ZNF469: variants seen among roughly 807,000 people sequenced by gnomAD.
The protein encoded by ZNF469 is zinc finger protein 469.
ZNF469 carries 1 observed loss-of-function variant against 1.0 expected under a neutral mutation model. The observed-to-expected ratio is 1.00, with a 90% confidence interval of 0.35 to 4.73. ZNF469 has a LOEUF of 4.73. Ranked by LOEUF, ZNF469 falls within the 30% of genes most tolerant of loss-of-function variation. The pLI is 0.16. For missense variants in ZNF469, 6,100 were observed against 5,356.3 expected, an observed-to-expected ratio of 1.14 and a Z score of -4.33; for synonymous variants, 2,703 against 2,363.4, an observed-to-expected ratio of 1.14 and a Z score of -4.17.
the ZNF469 span, among the ~76,000 whole-genome samples, chr16:88,357,818 T>C: frequency 5.9e-5 from 9 of 152,268 alleles, no homozygotes; most frequent in African/African-American, 1.9e-4. Context: ...GTGGTTGTTA[T>C]TAAGCGAGTG....
chr16:88,401,361 C>T (rs1408443002), intron 1 of ZNF469, among the ~76,000 whole-genome samples: 2 of 151,714 alleles, frequency 1.3e-5, no homozygotes. Context: ...TTCAGCCCTG[C>T]AGTAAGCCGA....
At chr16:88,334,177 C>T in the ZNF469 span, among the ~76,000 whole-genome samples, 2 of 152,062 alleles carry the variant, frequency 1.3e-5, no homozygotes, top group African/African-American at 4.8e-5. Flanking sequence ...CTCTGTGTTA[C>T]AAATGTCACT....
the ZNF469 span, among the ~76,000 whole-genome samples, chr16:88,131,345 G>A: frequency 7.1e-6 from 1 of 140,520 alleles, no homozygotes; most frequent in East Asian, 2.0e-4. Flanking sequence ...TGTGACACCT[G>A]TCTGGATGCA....
At chr16:88,263,241 C>A in the ZNF469 span, among the ~76,000 whole-genome samples, 4 of 152,304 alleles carry the variant, frequency 2.6e-5, no homozygotes, top group East Asian at 7.7e-4. Flanking sequence ...CCCACCCCAC[C>A]CAGTTGTTGG....
chr16:88,214,371 C>T, the ZNF469 span, among the ~76,000 whole-genome samples: 29 of 152,060 alleles, frequency 1.9e-4, no homozygotes, highest in Non-Finnish European at 2.5e-4. Flanking sequence ...GCTAGAGTTT[C>T]CATATGAGGG....
chr16:88,325,264 C>CCGACAGCAG, the ZNF469 span, among the ~76,000 whole-genome samples: 1 of 148,228 alleles, frequency 6.7e-6, no homozygotes, highest in African/African-American at 2.5e-5. Flanking sequence ...CCAGGTGGTC[C>CCGACAGCAG]CTACAGGCTC....
intron 1 of ZNF469, among the ~76,000 whole-genome samples, chr16:88,417,637 AC>A (rs1412347411): frequency 1.3e-5 from 2 of 152,078 alleles, no homozygotes; most frequent in Non-Finnish European, 2.9e-5. Flanking sequence ...GGGGAGAAGG[AC>A]CCTCAGACAA....
At chr16:88,225,180 C>G in the ZNF469 span, among the ~76,000 whole-genome samples, 1 of 152,266 alleles carries the variant, frequency 6.6e-6, no homozygotes, top group Non-Finnish European at 1.5e-5. Flanking sequence ...CTCAGGCCAC[C>G]TGCCCTCAGC....
the ZNF469 span, among the ~76,000 whole-genome samples, chr16:88,150,631 T>A: frequency 1.3e-5 from 2 of 151,946 alleles, no homozygotes; most frequent in African/African-American, 4.8e-5. Flanking sequence ...CTGCAGGTGG[T>A]CTTTGGACCC....
the ZNF469 span, among the ~76,000 whole-genome samples, chr16:88,204,870 C>T: frequency 0.016 from 2,413 of 152,310 alleles, 62 homozygotes; most frequent in African/African-American, 0.056. Context: ...GGGGTGATTG[C>T]TCTGAAAGTT....
chr16:88,313,085 A>G, the ZNF469 span, among the ~76,000 whole-genome samples: 83,407 of 151,698 alleles, frequency 0.55, 23,822 homozygotes, highest in East Asian at 0.76. Context: ...GGTCAGTGTT[A>G]GGGTCTTCCC....
chr16:88,280,174 A>G, the ZNF469 span, among the ~76,000 whole-genome samples: 1 of 146,788 alleles, frequency 6.8e-6, no homozygotes. Flanking sequence ...TTAGTGCTGC[A>G]CCACGCTGAC....
At chr16:88,351,168 G>A in the ZNF469 span, among the ~76,000 whole-genome samples, 1 of 152,228 alleles carries the variant, frequency 6.6e-6, no homozygotes, top group East Asian at 1.9e-4. Flanking sequence ...AGTGTGGCCT[G>A]TCCCTGACCT....
At position 88,430,661 on chromosome 16, in the gene ZNF469, G is replaced by A. The variant is rs1258457403; in HGVS notation, c.3191G>A (p.Arg1064Gln). 1.3e-6 allele frequency: 2 copies of A among 1,495,982 alleles called. No individual in the cohort carries two copies. Among genetic ancestry groups the A allele is most frequent in the Non-Finnish European group, 1.8e-6 (2 of 1,129,796 alleles). 92.7% of individuals were successfully genotyped at this position (1,495,982 alleles called of 1,614,324 possible). A position where few individuals can be genotyped will look rare whatever the true frequency, so the allele number is the denominator to read the frequency against. ...IVQQKNRRHR[R>Q]LGRRAGRCGS... The stretch of plus-strand genomic sequence containing the variant: ...CAGCAGAAGAACAGGCGCCACCGGC[G>A]GCTGGGGCGGCGGGCGGGCAGGTGC... The change falls in exon 3 of 3, where the codon CGG becomes CAG. Residue 1064 changes from arginine to glutamine, a missense_variant. Transcript: ENST00000565624.
the ZNF469 span, among the ~76,000 whole-genome samples, chr16:88,116,917 C>T: frequency 6.6e-6 from 1 of 152,024 alleles, no homozygotes; most frequent in African/African-American, 2.4e-5. Context: ...CACGAATCTA[C>T]ACGTGTGATA....
chr16:88,232,931 G>A, the ZNF469 span, among the ~76,000 whole-genome samples: 8 of 152,222 alleles, frequency 5.3e-5, no homozygotes, highest in Non-Finnish European at 7.3e-5. Flanking sequence ...TGGTCTGGCC[G>A]CCGCCTAGCA....
chr16:88,369,862 C>T, the ZNF469 span, among the ~76,000 whole-genome samples: 1 of 152,210 alleles, frequency 6.6e-6, no homozygotes, highest in Admixed American at 6.5e-5. Context: ...CTCAACAATC[C>T]GTCCCCACCG....
chr16:88,190,354 C>T, the ZNF469 span, among the ~76,000 whole-genome samples: 1 of 152,272 alleles, frequency 6.6e-6, no homozygotes, highest in East Asian at 1.9e-4. Flanking sequence ...TGACACCTTG[C>T]TCAGTCCCAG....
chr16:88,364,439 C>T, the ZNF469 span, among the ~76,000 whole-genome samples: 1 of 135,402 alleles, frequency 7.4e-6, no homozygotes, highest in Middle Eastern at 4.3e-3. Context: ...ATTATTGTTC[C>T]TTGCTTTTCC....
Sources: allele counts gnomAD v4.1 joint callset (sites outside exome capture counted in the v4.1 genomes callset), GRCh38; gene constraint gnomAD v4.1.1; transcripts MANE v1.5; gene names NCBI Gene and HGNC (gene_info 2026-07-23, HGNC 2026-07-21).